Variants in KCNJ10 observed in about 807,000 individuals in gnomAD.
The protein encoded by KCNJ10 is potassium inwardly rectifying channel subfamily J member 10, also known as ATP-sensitive inward rectifier potassium channel 10.
KCNJ10 carries 9 observed loss-of-function variants against 22.2 expected under a neutral mutation model. That is an observed-to-expected ratio of 0.40 (90% CI 0.24 to 0.71). The LOEUF (loss-of-function observed/expected upper bound fraction) is 0.71. KCNJ10 is among the 30% of genes least tolerant of loss of function. KCNJ10 has a pLI of 0.35. For synonymous variants in KCNJ10, 184 were observed against 187.3 expected, an observed-to-expected ratio of 0.98 and a Z score of 0.15; for missense variants, 337 against 482.7, an observed-to-expected ratio of 0.70 and a Z score of 2.83.
At chr1:160,051,391 A>T (rs1396781128) in intron 1 of KCNJ10, among the ~76,000 whole-genome samples, 1 of 151,904 alleles carries the variant, frequency 6.6e-6, no homozygotes, top group African/African-American at 2.4e-5. Context: ...CATCTTTTTA[A>T]CTCTGTAAAA....
At chr1:160,064,457 T>C (rs1246151734) in intron 1 of KCNJ10, among the ~76,000 whole-genome samples, 3 of 152,274 alleles carry the variant, frequency 2.0e-5, no homozygotes, top group Non-Finnish European at 4.4e-5. Context: ...ACTCTTCTTA[T>C]TAACTTTTTG....
intron 1 of KCNJ10, among the ~76,000 whole-genome samples, chr1:160,052,271 C>T (rs1648922920): frequency 6.6e-6 from 1 of 152,158 alleles, no homozygotes; most frequent in African/African-American, 2.4e-5. Context: ...TCTTTCTGAA[C>T]CAATCACTGT....
chr1:160,046,351 G>C (rs1648740202), intron 1 of KCNJ10, among the ~76,000 whole-genome samples: 1 of 152,218 alleles, frequency 6.6e-6, no homozygotes, highest in African/African-American at 2.4e-5. Flanking sequence ...GCCCCAAGTA[G>C]ATTAGTGGTA....
At chr1:160,065,578 G>T (rs917508495) in intron 1 of KCNJ10, among the ~76,000 whole-genome samples, 1 of 152,154 alleles carries the variant, frequency 6.6e-6, no homozygotes, top group Admixed American at 6.5e-5. Context: ...GAGATCTGCG[G>T]GAGGGGTGAG....
chr1:160,047,983 T>C (rs1353583379), intron 1 of KCNJ10, among the ~76,000 whole-genome samples: 1 of 152,242 alleles, frequency 6.6e-6, no homozygotes, highest in African/African-American at 2.4e-5. Context: ...TTAAGTGATC[T>C]GCCCACCTGG....
rs1479093857 is a variant in KCNJ10 at position 160,042,213 on chromosome 1, G to C, written c.320C>G (p.Pro107Arg). 1.9e-6 allele frequency: 3 copies of C among 1,613,204 alleles called. No individual in the cohort carries two copies. Among genetic ancestry groups the C allele is most frequent in the Admixed American group, 1.7e-5 (1 of 59,972 alleles). Residue 107 changes from proline to arginine, a missense_variant, in exon 2 of 2, where the codon CCC becomes CGC. Pro to Arg is a moderately radical substitution (Grantham distance 103). Coordinates refer to ENST00000644903, the MANE Select transcript of KCNJ10 (RefSeq NM_002241.5). ...LELDPPANHT[P>R]CVVQVHTLTG... ...GAGTGTGTGCACCTGTACCACACAGGGGGTGTGGTTGGCCGGGGGGTCCAG... is the reference window on the plus strand; with the variant it reads ...GAGTGTGTGCACCTGTACCACACAGCGGGTGTGGTTGGCCGGGGGGTCCAG...
chr1:160,068,896 C>T (rs1649387751), intron 1 of KCNJ10, among the ~76,000 whole-genome samples: 1 of 152,098 alleles, frequency 6.6e-6, no homozygotes, highest in Non-Finnish European at 1.5e-5. Context: ...ACAAGGCCAT[C>T]TCTCACATGG....
chr1:160,066,449 G>A (rs979975104), intron 1 of KCNJ10, among the ~76,000 whole-genome samples: 2 of 152,188 alleles, frequency 1.3e-5, no homozygotes, highest in African/African-American at 2.4e-5. Flanking sequence ...CCAGGAACAA[G>A]GAAAGATGAC....
At chr1:160,047,645 A>C (rs1648779828) in intron 1 of KCNJ10, among the ~76,000 whole-genome samples, 1 of 152,098 alleles carries the variant, frequency 6.6e-6, no homozygotes, top group Non-Finnish European at 1.5e-5. Context: ...CCTGACTCTC[A>C]AAAAAACAAT....
chr1:160,066,099 C>T (rs139434934), intron 1 of KCNJ10, among the ~76,000 whole-genome samples: 127 of 152,158 alleles, frequency 8.3e-4, no homozygotes, highest in African/African-American at 2.7e-3. Flanking sequence ...TTGTCTTGAC[C>T]GACAGAAGAA....
At chr1:160,042,852 G>A (rs1200880705) in intron 1 of KCNJ10, among the ~76,000 whole-genome samples, 4 of 150,910 alleles carry the variant, frequency 2.7e-5, no homozygotes, top group Non-Finnish European at 5.9e-5. Context: ...CAGGAGAATC[G>A]CTTGAACCCG....
chr1:160,049,689 A>ATATATATATATATATATATATATT (rs1648847570), intron 1 of KCNJ10, among the ~76,000 whole-genome samples: 4 of 108,554 alleles, frequency 3.7e-5, no homozygotes, highest in African/African-American at 7.5e-5. Flanking sequence ...ATATATATAT[A>ATATATATATATATATATATATATT]TATATATATA....
chr1:160,044,974 C>T (rs1648704572), intron 1 of KCNJ10, among the ~76,000 whole-genome samples: 1 of 152,172 alleles, frequency 6.6e-6, no homozygotes, highest in South Asian at 2.1e-4. Context: ...AATCATGCCA[C>T]TGCACTGCAG....
At chr1:160,057,035 C>T (rs1212391210) in intron 1 of KCNJ10, among the ~76,000 whole-genome samples, 3 of 152,216 alleles carry the variant, frequency 2.0e-5, no homozygotes, top group African/African-American at 7.2e-5. Flanking sequence ...GTCTGTGTCA[C>T]TTACTAGCTA....
intron 1 of KCNJ10, among the ~76,000 whole-genome samples, chr1:160,060,054 G>C (rs1017364270): frequency 1.3e-5 from 2 of 152,180 alleles, no homozygotes; most frequent in African/African-American, 4.8e-5. Context: ...CCTTCTTGGG[G>C]CTCCTGTTCC....
In KCNJ10 at chr1:160,047,651, A is replaced by AG. The variant is rs896838505; in HGVS notation, c.1-5120_1-5119insC. On this transcript the variant is annotated intron_variant, in intron 1 of 1. Transcript: ENST00000644903. ...GACGCCTTCCCTGACTCTCAAAAAA[A>AG]CAATTCATCTTCTCTGTCCCTCCCA... is the stretch of plus-strand genomic sequence containing the variant. Among the ~76,000 whole-genome samples, 83 of 152,322 alleles carry AG rather than the reference A, an allele frequency of 5.4e-4. 1 individual carries two copies. Among genetic ancestry groups the AG allele is most frequent in the African/African-American group, 1.9e-3 (80 of 41,568 alleles).
At chr1:160,063,159 G>A (rs76212682) in intron 1 of KCNJ10, among the ~76,000 whole-genome samples, 2,893 of 152,290 alleles carry the variant, frequency 0.019, 40 homozygotes, top group Non-Finnish European at 0.028. Flanking sequence ...ACCCCAGCAG[G>A]CACCCCTATC....
chr1:160,051,552 GTTTA>G (rs1648903153), intron 1 of KCNJ10, among the ~76,000 whole-genome samples: 1 of 151,948 alleles, frequency 6.6e-6, no homozygotes, highest in South Asian at 2.1e-4. Flanking sequence ...TAATACTATA[GTTTA>G]TTTGTCTTCA....
At position 160,042,469 on chromosome 1, in the gene KCNJ10, C is replaced by G. The variant is rs1212431708; in HGVS notation, c.64G>C (p.Gly22Arg). The G allele has an allele frequency of 6.2e-7, 1 of 1,614,022 alleles. No homozygotes were observed. The highest frequency in any genetic ancestry group is 8.5e-7 in the Non-Finnish European group (1 of 1,180,042). The change falls in exon 2 of 2, where the codon GGC (glycine) becomes CGC (arginine). Residue 22 changes from glycine to arginine, a missense_variant. Physicochemically the swap from Gly to Arg is moderately radical, Grantham distance 125. Around this residue, in one of 3 missense-constraint regions of KCNJ10, gnomAD observed 107 missense variants for 135.2 expected, o/e 0.79. Coordinates refer to ENST00000644903, the MANE Select transcript of KCNJ10 (RefSeq NM_002241.5). ...TTQTESRPLM[G>R]PGIRRRRVLT... ...ACTCTCCGCCGTCGTATCCCTGGGC[C>G]CATTAGGGGCCGGCTTTCTGTCTGA... is the stretch of plus-strand genomic sequence containing the variant.
Sources: allele counts gnomAD v4.1 joint callset (sites outside exome capture counted in the v4.1 genomes callset), GRCh38; gene constraint gnomAD v4.1.1; regional missense constraint gnomAD v4.1.1; transcripts MANE v1.5; gene names NCBI Gene and HGNC (gene_info 2026-07-23, HGNC 2026-07-21).